TSPEAR: variants seen among roughly 807,000 people sequenced by gnomAD.
The protein encoded by TSPEAR is thrombospondin type laminin G domain and EAR repeats, also known as thrombospondin-type laminin G domain and EAR repeat-containing protein.
Under a neutral mutation model 71.6 loss-of-function variants are expected in TSPEAR, and 69 were observed. The ratio of observed to expected loss-of-function variants is 0.96; its 90% CI spans 0.79 to 1.18. The LOEUF is 1.18. Among genes scored for constraint, TSPEAR ranks in the 50% most tolerant of loss-of-function variants. The probability of loss-of-function intolerance (pLI) is 0.00; values close to 1 mark genes in which losing one functional copy is unlikely to be tolerated. For synonymous variants in TSPEAR, 402 were observed against 387.2 expected (o/e 1.04, Z -0.45); for missense variants, 971 against 894.9 (o/e 1.09, Z -1.09).
intron 8 of TSPEAR, among the ~76,000 whole-genome samples, chr21:44,522,809 GCAGCTGTCCTCCAC>G (rs2052761956): frequency 6.6e-6 from 1 of 152,234 alleles, no homozygotes; most frequent in Non-Finnish European, 1.5e-5. Flanking sequence ...CATGTCCTCG[GCAGCTGTCCTCCAC>G]CACACACCTG....
intron 1 of TSPEAR, among the ~76,000 whole-genome samples, chr21:44,589,704 G>C (rs1484992950): frequency 1.7e-4 from 26 of 152,234 alleles, no homozygotes; most frequent in Admixed American, 1.7e-3. Flanking sequence ...GCTGGGTCCT[G>C]TCGGTGCCTC....
rs587678058 is a variant in TSPEAR, at chr21:44,551,122, C to T, written c.303+16663G>A. The T allele has an allele frequency of 1.4e-5, 22 of 1,559,240 alleles. No individual in the cohort carries two copies. The highest frequency in any genetic ancestry group is 1.7e-4 in the Middle Eastern group (1 of 5,868). Reference sequence around the variant, plus strand: ...CAGCATGAAGAAGCCCCACAGCAGACGGGCACACAGCACACAGGCTTGCAG... The same window carrying T: ...CAGCATGAAGAAGCCCCACAGCAGATGGGCACACAGCACACAGGCTTGCAG... On this transcript the variant is annotated intron_variant, in intron 2 of 11. Coordinates refer to ENST00000323084, the MANE Select transcript of TSPEAR (RefSeq NM_144991.3).
chr21:44,616,705 G>A lies in TSPEAR; in HGVS notation c.83-48700C>T, dbSNP rs781833765. 4.6e-5 allele frequency among the ~76,000 whole-genome samples: 7 copies of A among 152,238 alleles called. No homozygotes were observed. In the East Asian group the frequency reaches 5.8e-4, roughly 13 times the overall value. On this transcript the variant is annotated intron_variant, in intron 1 of 11. Coordinates refer to ENST00000323084, the MANE Select transcript of TSPEAR (RefSeq NM_144991.3). ...TGCTCAGCAGTGAGAATGAGACACC[G>A]TGACAATGCGGCTGCGCACCGGACA... is the stretch of plus-strand genomic sequence containing the variant.
In TSPEAR at chr21:44,612,090, C is replaced by T; in HGVS notation, c.83-44085G>A. ...ACACCAGCACTCACACCACCCAGTCCAGCACCCACCATGGCTGACGCCTGC... is the reference window on the plus strand; with the variant it reads ...ACACCAGCACTCACACCACCCAGTCTAGCACCCACCATGGCTGACGCCTGC... On this transcript the variant is annotated intron_variant, in intron 1 of 11. Transcript: ENST00000323084. The surrounding 1 kb of genome is among the most constrained non-coding windows in gnomAD (Gnocchi z 4.1). The T allele has an allele frequency of 8.7e-6, 14 of 1,611,160 alleles. No individual in the cohort carries two copies. Among genetic ancestry groups the T allele is most frequent in the Non-Finnish European group, 1.2e-5 (14 of 1,178,440 alleles).
chr21:44,505,147 C>T (rs1164426661), intron 10 of TSPEAR, among the ~76,000 whole-genome samples: 2 of 152,086 alleles, frequency 1.3e-5, no homozygotes, highest in Admixed American at 6.5e-5. Flanking sequence ...GGCGAGATCT[C>T]GGCTCACGGC....
At chr21:44,523,170 TCAGC>T (rs1212489936) in intron 8 of TSPEAR, among the ~76,000 whole-genome samples, 4 of 144,164 alleles carry the variant, frequency 2.8e-5, no homozygotes, top group African/African-American at 1.1e-4. Flanking sequence ...GGTCAGTCAG[TCAGC>T]CAGCCAGCCA....
chr21:44,558,536 C>T (rs587674129), intron 2 of TSPEAR: 1,175 of 1,613,170 alleles, frequency 7.3e-4, no homozygotes, highest in Non-Finnish European at 8.9e-4. Context: ...GCTCACAGGC[C>T]GCCTGGCAGC....
intron 1 of TSPEAR, among the ~76,000 whole-genome samples, chr21:44,619,595 A>G (rs1453105736): frequency 3.9e-5 from 6 of 152,264 alleles, no homozygotes; most frequent in African/African-American, 1.4e-4. Context: ...ACAATCACAG[A>G]CAATGAATTA....
At chr21:44,628,091 T>A in intron 1 of TSPEAR, 2 of 1,576,912 alleles carry the variant, frequency 1.3e-6, no homozygotes, top group Non-Finnish European at 1.7e-6. Context: ...AGGCCCCACC[T>A]CCCTGCCAGT....
intron 1 of TSPEAR, among the ~76,000 whole-genome samples, chr21:44,701,870 GT>G (rs1362676574): frequency 6.6e-6 from 1 of 152,176 alleles, no homozygotes; most frequent in Admixed American, 6.5e-5. Flanking sequence ...ACTAGAACGT[GT>G]CCCCCCTGAG....
In TSPEAR at chr21:44,499,933, C is replaced by A; in HGVS notation, c.1860G>T (p.Trp620Cys). 1 of 1,604,752 alleles carries A rather than the reference C, an allele frequency of 6.2e-7. No individual in the cohort carries two copies. Among genetic ancestry groups the A allele is most frequent in the Non-Finnish European group, 8.5e-7 (1 of 1,177,314 alleles). ...CCGCCACGAAGCCCTCGTAGCCCTG[C>A]CACCTGCGGAACAGACAGCGGCAGC... ...TFSVNSIIYR[W>C]QGYEGFVAVH... is the part of the protein sequence containing the mutation. Residue 620 changes from tryptophan (W) to cysteine (C), a missense_variant, in exon 12 of 12, where the codon TGG becomes TGT. Physicochemically the swap from Trp to Cys is radical, Grantham distance 215 (BLOSUM62 -2). Coordinates refer to ENST00000323084, the MANE Select transcript of TSPEAR (RefSeq NM_144991.3).
chr21:44,539,290 T>A, intron 2 of TSPEAR: 1 of 1,606,082 alleles, frequency 6.2e-7, no homozygotes, highest in Non-Finnish European at 8.5e-7. Context: ...ACTCCTGGCC[T>A]GAGCAGAGGC....
chr21:44,654,234 CT>C, intron 1 of TSPEAR: 1 of 1,523,930 alleles, frequency 6.6e-7, no homozygotes, highest in Non-Finnish European at 9.1e-7. Context: ...AGCCTGCTGG[CT>C]TCTGACCTCG....
At chr21:44,693,371 T>G (rs1161303937) in intron 1 of TSPEAR, among the ~76,000 whole-genome samples, 2 of 152,008 alleles carry the variant, frequency 1.3e-5, no homozygotes, top group Non-Finnish European at 2.9e-5. Context: ...TCATCAAAAT[T>G]TAAAACTTTT....
chr21:44,531,412 C>A (rs922230619), intron 3 of TSPEAR, among the ~76,000 whole-genome samples: 52 of 152,180 alleles, frequency 3.4e-4, no homozygotes, highest in African/African-American at 1.3e-3. Flanking sequence ...GTGGCCATGT[C>A]GCTCCAGTGT....
At chr21:44,585,592 C>T (rs1422509348) in intron 1 of TSPEAR, among the ~76,000 whole-genome samples, 2 of 152,084 alleles carry the variant, frequency 1.3e-5, no homozygotes, top group African/African-American at 2.4e-5. Flanking sequence ...CATTGGGTTT[C>T]GGTCATTTTC....
intron 10 of TSPEAR, among the ~76,000 whole-genome samples, chr21:44,507,331 T>C (rs1484635416): frequency 2.6e-5 from 4 of 152,100 alleles, no homozygotes; most frequent in African/African-American, 7.2e-5. Context: ...CAAGCGACCA[T>C]TTGAAGGCAG....
intron 1 of TSPEAR, among the ~76,000 whole-genome samples, chr21:44,620,517 T>A (rs1982373379): frequency 6.6e-6 from 1 of 152,276 alleles, no homozygotes; most frequent in African/African-American, 2.4e-5. Context: ...TCAGTAGTGA[T>A]GTTCCCATTT....
At chr21:44,671,996 C>G (rs1389630297) in intron 1 of TSPEAR, among the ~76,000 whole-genome samples, 1 of 151,846 alleles carries the variant, frequency 6.6e-6, no homozygotes, top group Non-Finnish European at 1.5e-5. Flanking sequence ...ACCAAAGAGA[C>G]AGATATCATA....
Sources: allele counts gnomAD v4.1 joint callset (sites outside exome capture counted in the v4.1 genomes callset), GRCh38; gene constraint gnomAD v4.1.1; non-coding constraint Gnocchi (gnomAD v3.1); transcripts MANE v1.5; gene names NCBI Gene and HGNC (gene_info 2026-07-23, HGNC 2026-07-21).